SH3D19: variants seen among roughly 807,000 people sequenced by gnomAD.
The protein encoded by SH3D19 is SH3 domain containing 19.
SH3D19 carries 58 observed loss-of-function variants against 112.1 expected under a neutral mutation model. The observed-to-expected ratio is 0.52, with a 90% CI of 0.42 to 0.64. The LOEUF is 0.64. Ranked by LOEUF, SH3D19 falls within the 30% of genes least tolerant of loss-of-function variation. The probability of loss-of-function intolerance (pLI) is 0.00; values close to 1 mark genes in which losing one functional copy is unlikely to be tolerated. For synonymous variants in SH3D19, 391 were observed against 448.5 expected (o/e 0.87, Z 1.62); for missense variants, 1,090 against 1,263.4 (o/e 0.86, Z 2.08).
At chr4:151,256,013 GGGGAGA>G (rs79688983) in intron 1 of SH3D19, among the ~76,000 whole-genome samples, 49,822 of 105,276 alleles carry the variant, frequency 0.47, 12,846 homozygotes, top group Non-Finnish European at 0.61. Flanking sequence ...GGAAAGAGAG[GGGGAGA>G]GGGAGAGGGA....
chr4:151,140,666 T>C (rs941896202), intron 12 of SH3D19: 1 of 152,210 alleles, frequency 6.6e-6, no homozygotes, highest in Non-Finnish European at 1.5e-5. Context: ...TTTGGAGTTA[T>C]AACTTAACAC....
intron 1 of SH3D19, among the ~76,000 whole-genome samples, chr4:151,293,434 C>G (rs963546917): frequency 2.6e-5 from 4 of 151,026 alleles, no homozygotes; most frequent in African/African-American, 9.8e-5. Context: ...GATTGCGCCA[C>G]TGCACTCCAG....
chr4:151,307,050 G>T (rs1314604931), intron 1 of SH3D19, among the ~76,000 whole-genome samples: 1 of 131,944 alleles, frequency 7.6e-6, no homozygotes, highest in African/African-American at 2.9e-5. Context: ...ACGGAGTCTC[G>T]CTCTGTCGCC....
At chr4:151,156,620 A>G (rs1414070750) in intron 9 of SH3D19, among the ~76,000 whole-genome samples, 1 of 152,190 alleles carries the variant, frequency 6.6e-6, no homozygotes, top group Admixed American at 6.5e-5. Context: ...CTAGATATCC[A>G]TATGCAGACG....
intron 2 of SH3D19, among the ~76,000 whole-genome samples, chr4:151,213,636 T>C (rs1766336105): frequency 6.6e-6 from 1 of 151,868 alleles, no homozygotes; most frequent in South Asian, 2.1e-4. Context: ...CAGATCAAGA[T>C]CCTGTCTTGG....
At chr4:151,125,006 C>T (rs539514178) in intron 19 of SH3D19, among the ~76,000 whole-genome samples, 15 of 152,140 alleles carry the variant, frequency 9.9e-5, no homozygotes, top group African/African-American at 3.4e-4. Flanking sequence ...TAAAGATAAA[C>T]GGGATACATT....
In SH3D19 at chr4:151,257,286, C is replaced by A. The variant is rs185636737; in HGVS notation, c.113-31200G>T. Among the ~76,000 whole-genome samples, 6 of 152,168 alleles carry A rather than the reference C, an allele frequency of 3.9e-5. No homozygotes were observed. The East Asian group carries it at 1.2e-3, about 29-fold the overall frequency. On this transcript the variant is annotated intron_variant, in intron 1 of 19. Transcript: ENST00000604030. The stretch of plus-strand genomic sequence containing the variant: ...TATTTTTAGTAGAGACGGGGTTTCA[C>A]TATGTTGGCCAGGCTAGTCTCGAAC...
chr4:151,256,578 C>T (rs1402656946), intron 1 of SH3D19, among the ~76,000 whole-genome samples: 1 of 152,064 alleles, frequency 6.6e-6, no homozygotes, highest in Non-Finnish European at 1.5e-5. Flanking sequence ...CCCTATAGAA[C>T]TGCATATTAT....
At chr4:151,213,675 A>ATTT (rs1561354124) in intron 2 of SH3D19, among the ~76,000 whole-genome samples, 32 of 150,342 alleles carry the variant, frequency 2.1e-4, no homozygotes, top group African/African-American at 6.6e-4. Flanking sequence ...TGAATTAATT[A>ATTT]ATTAATTAAT....
chr4:151,293,955 T>A (rs1406108088), intron 1 of SH3D19, among the ~76,000 whole-genome samples: 1 of 152,230 alleles, frequency 6.6e-6, no homozygotes, highest in Non-Finnish European at 1.5e-5. Context: ...TGCCTTCAGA[T>A]CTCAATTTAC....
intron 2 of SH3D19, among the ~76,000 whole-genome samples, chr4:151,190,914 C>T (rs182060773): frequency 3.3e-5 from 5 of 152,302 alleles, no homozygotes; most frequent in East Asian, 3.9e-4. Context: ...CTGGAAAAGC[C>T]GCAGACACTC....
At chr4:151,271,385 CCT>C (rs1198915146) in intron 1 of SH3D19, among the ~76,000 whole-genome samples, 1 of 152,074 alleles carries the variant, frequency 6.6e-6, no homozygotes, top group Non-Finnish European at 1.5e-5. Flanking sequence ...TATTGTTTTC[CCT>C]GTTTTATCCT....
intron 9 of SH3D19, among the ~76,000 whole-genome samples, chr4:151,150,813 T>C (rs1435866351): frequency 6.6e-6 from 1 of 151,984 alleles, no homozygotes; most frequent in East Asian, 1.9e-4. Flanking sequence ...TTTAAACAGG[T>C]TTTCTGAACA....
At chr4:151,191,170 C>T (rs1397365602) in intron 2 of SH3D19, among the ~76,000 whole-genome samples, 1 of 152,170 alleles carries the variant, frequency 6.6e-6, no homozygotes, top group African/African-American at 2.4e-5. Flanking sequence ...CTGTATTTAC[C>T]CAATGCCTGT....
chr4:151,128,093 G>A, intron 18 of SH3D19, 77 bp downstream of exon 18: 1 of 1,227,328 alleles, frequency 8.1e-7, no homozygotes, highest in Middle Eastern at 2.8e-4. Context: ...ATGGCCAGAG[G>A]GGAAAGGAAT....
At position 151,284,680 on chromosome 4, in the gene SH3D19, T is replaced by C. The variant is rs144688170; in HGVS notation, c.112+40561A>G. Among the ~76,000 whole-genome samples, 467 of 152,342 alleles carry C rather than the reference T, an allele frequency of 3.1e-3. 2 individuals carry two copies. Among genetic ancestry groups the C allele is most frequent in the Middle Eastern group, 0.01 (3 of 294 alleles). ...TTTAATATCTAATCATTTTGGAATA[T>C]ATCCTGGACAATGTCAATAGCATGG... On this transcript the variant is annotated intron_variant, in intron 1 of 19. Coordinates refer to ENST00000604030, the MANE Select transcript of SH3D19 (RefSeq NM_001378122.1).
At chr4:151,250,486 A>G (rs1163933930) in intron 1 of SH3D19, among the ~76,000 whole-genome samples, 1 of 150,136 alleles carries the variant, frequency 6.7e-6, no homozygotes, top group Non-Finnish European at 1.5e-5. Flanking sequence ...CCACACAAAT[A>G]TATATGGATA....
chr4:151,135,462 C>T (rs1319542237), intron 14 of SH3D19, among the ~76,000 whole-genome samples: 4 of 113,348 alleles, frequency 3.5e-5, no homozygotes, highest in Non-Finnish European at 6.7e-5. Flanking sequence ...GGATCTTACT[C>T]TGTCACCCAG....
At chr4:151,275,861 T>TTTTTTTG (rs201239876) in intron 1 of SH3D19, among the ~76,000 whole-genome samples, 31 of 132,340 alleles carry the variant, frequency 2.3e-4, no homozygotes, top group Non-Finnish European at 4.1e-4. Context: ...TTTTTTTTTT[T>TTTTTTTG]AGACGGAGTC....
Sources: allele counts gnomAD v4.1 joint callset (sites outside exome capture counted in the v4.1 genomes callset), GRCh38; gene constraint gnomAD v4.1.1; transcripts MANE v1.5; gene names NCBI Gene and HGNC (gene_info 2026-07-23, HGNC 2026-07-21).